Variants in MUSK observed in about 807,000 individuals in gnomAD.
MUSK encodes muscle associated receptor tyrosine kinase, also known as muscle, skeletal receptor tyrosine-protein kinase.
Under a neutral mutation model 88.7 loss-of-function variants are expected in MUSK, and 55 were observed. That is an observed-to-expected ratio of 0.62 (90% CI 0.50 to 0.78). MUSK has a LOEUF of 0.78. Among genes scored for constraint, MUSK ranks in the 30% least tolerant of loss-of-function variants. The pLI is 0.00. For synonymous variants in MUSK, 387 were observed against 391.9 expected (o/e 0.99, Z 0.15); for missense variants, 1,015 against 1,074.3 (o/e 0.94, Z 0.77).
At chr9:110,728,564 C>T (rs2076918732) in intron 5 of MUSK, 2 of 680,536 alleles carry the variant, frequency 2.9e-6, no homozygotes, top group Non-Finnish European at 2.6e-6. Flanking sequence ...AAGAAACAAG[C>T]AGCTTCTAAT....
intron 11 of MUSK, among the ~76,000 whole-genome samples, chr9:110,780,803 T>G (rs1158735722): frequency 6.6e-6 from 1 of 152,212 alleles, no homozygotes; most frequent in African/African-American, 2.4e-5. Flanking sequence ...GATATCTGTA[T>G]GATAAAAATT....
chr9:110,681,169 T>TA (rs1283852882), intron 1 of MUSK, among the ~76,000 whole-genome samples: 1 of 92,718 alleles, frequency 1.1e-5, no homozygotes, highest in Non-Finnish European at 2.1e-5. Flanking sequence ...ATAAAAATTA[T>TA]TATAATATAT....
intron 5 of MUSK, among the ~76,000 whole-genome samples, chr9:110,726,608 T>C (rs1409186288): frequency 6.6e-6 from 1 of 152,076 alleles, no homozygotes; most frequent in Non-Finnish European, 1.5e-5. Flanking sequence ...TCTTTAACTT[T>C]AGTGGAATAA....
chr9:110,769,837 G>GTGAC (rs897364106), intron 9 of MUSK, among the ~76,000 whole-genome samples: 2 of 152,052 alleles, frequency 1.3e-5, no homozygotes, highest in African/African-American at 4.8e-5. Context: ...TACTTACACA[G>GTGAC]TGACACTCAG....
intron 5 of MUSK, among the ~76,000 whole-genome samples, chr9:110,731,127 T>C (rs193210829): frequency 2.0e-3 from 297 of 152,214 alleles, no homozygotes; most frequent in Middle Eastern, 6.8e-3. Context: ...AAATATTCAT[T>C]GAGTGCCTAC....
At chr9:110,798,202 G>A (rs2078040530) in intron 14 of MUSK, among the ~76,000 whole-genome samples, 1 of 152,092 alleles carries the variant, frequency 6.6e-6, no homozygotes, top group Non-Finnish European at 1.5e-5. Context: ...GGAAGAAAGG[G>A]GAATTGGGAA....
At chr9:110,733,128 A>G (rs1587969068) in intron 5 of MUSK, among the ~76,000 whole-genome samples, 1 of 152,252 alleles carries the variant, frequency 6.6e-6, no homozygotes, top group East Asian at 1.9e-4. Context: ...ATACTCTAAT[A>G]TTATATTCTG....
rs777419932 is a variant in MUSK at position 110,800,661 on chromosome 9, C to T, written c.2283C>T (p.Asn761=). ...YSADYYKANE[N]DAIPIRWMPP... ...CAGACTACTACAAAGCTAATGAAAA[C>T]GACGCTATCCCTATCCGTTGGATGC... Residue 761 remains asparagine (N), a synonymous_variant, in exon 15 of 15, where the codon AAC becomes AAT. Transcript: ENST00000374448. 4.1e-5 allele frequency: 66 copies of T among 1,613,804 alleles called. No individual in the cohort carries two copies. In the East Asian group the frequency reaches 8.0e-4, roughly 20 times the overall value.
At chr9:110,690,298 ATATT>A (rs1450277305) in intron 3 of MUSK, among the ~76,000 whole-genome samples, 3 of 105,490 alleles carry the variant, frequency 2.8e-5, no homozygotes, top group Non-Finnish European at 5.0e-5. Flanking sequence ...ATATAAATAT[ATATT>A]TAAGTATAAA....
chr9:110,711,197 A>G (rs1192710163), intron 5 of MUSK, among the ~76,000 whole-genome samples: 1 of 152,190 alleles, frequency 6.6e-6, no homozygotes, highest in East Asian at 1.9e-4. Context: ...GCACATGTAT[A>G]CATATGTAAC....
chr9:110,716,940 TACC>T (rs1286314366), intron 5 of MUSK, among the ~76,000 whole-genome samples: 1 of 149,964 alleles, frequency 6.7e-6, no homozygotes, highest in Non-Finnish European at 1.5e-5. Flanking sequence ...TTAATATCAT[TACC>T]ACATTTTTCC....
intron 11 of MUSK, among the ~76,000 whole-genome samples, chr9:110,780,907 C>T (rs2077742954): frequency 6.6e-6 from 1 of 152,218 alleles, no homozygotes; most frequent in Admixed American, 6.5e-5. Context: ...ATCTTTATCC[C>T]ATTGAAATCA....
intron 3 of MUSK, among the ~76,000 whole-genome samples, chr9:110,688,910 T>G (rs2076235741): frequency 6.8e-6 from 1 of 147,328 alleles, no homozygotes; most frequent in East Asian, 2.0e-4. Context: ...ATTGTTTTTT[T>G]GTTATATATA....
chr9:110,757,259 G>T (rs1195582419), intron 7 of MUSK, among the ~76,000 whole-genome samples: 1 of 151,994 alleles, frequency 6.6e-6, no homozygotes, highest in Non-Finnish European at 1.5e-5. Flanking sequence ...GGGAGTTCGA[G>T]ACTAGCCTGG....
chr9:110,733,588 C>G (rs1021360426), intron 5 of MUSK, among the ~76,000 whole-genome samples: 22 of 149,914 alleles, frequency 1.5e-4, no homozygotes, highest in Non-Finnish European at 1.8e-4. Context: ...TTTTTTTTGC[C>G]CAATATATCA....
Position 110,701,661 on chromosome 9 carries a change from A to ATTTAT in MUSK, c.628+4209_628+4213dup, listed in dbSNP as rs1294510072. Among the ~76,000 whole-genome samples, 2 of 20,814 alleles carry ATTTAT rather than the reference A, an allele frequency of 9.6e-5. 1 individual carries two copies. Among genetic ancestry groups the ATTTAT allele is most frequent in the Non-Finnish European group, 1.8e-4 (2 of 11,234 alleles). The allele number at this position is 20,814 out of a possible 152,430, so 13.7% of individuals were successfully genotyped here. ...ACTACTGTGCTCAGCTATTTATTTT[A>ATTTAT]TTTATTTTATTTTATTTTTTTTACT... On this transcript the variant is annotated intron_variant, in intron 5 of 14. Transcript: ENST00000374448.
chr9:110,690,392 GTATATACATAAATA>G (rs1274226550), intron 3 of MUSK, among the ~76,000 whole-genome samples: 1 of 92,510 alleles, frequency 1.1e-5, no homozygotes, highest in Admixed American at 1.5e-4. Context: ...TTAAATATAA[GTATATACATAAATA>G]TATATATTTA....
At chr9:110,747,540 T>C in intron 6 of MUSK, 101 bp from the exon 7 acceptor site, 2 of 1,246,172 alleles carry the variant, frequency 1.6e-6, no homozygotes, top group Non-Finnish European at 2.3e-6. Flanking sequence ...GTGTACCACA[T>C]GCACTTGATT....
intron 1 of MUSK, among the ~76,000 whole-genome samples, chr9:110,670,386 G>T (rs888573417): frequency 6.6e-6 from 1 of 151,992 alleles, no homozygotes; most frequent in African/African-American, 2.4e-5. Flanking sequence ...TCTAAACCAC[G>T]CAGTTACATA....
Sources: gnomAD v4.1 joint callset for allele counts (sites outside exome capture counted in the v4.1 genomes callset) on GRCh38, gnomAD v4.1.1 for gene constraint, MANE v1.5 for transcripts, NCBI Gene and HGNC (gene_info 2026-07-23, HGNC 2026-07-21) for gene names.